Variants in FAM13A observed in about 807,000 individuals in gnomAD.
FAM13A encodes family with sequence similarity 13 member A, also known as protein FAM13A.
In FAM13A, 76 loss-of-function variants were observed where a neutral mutation model predicts 129.6. The observed-to-expected ratio is 0.59, with a 90% confidence interval of 0.49 to 0.71. The LOEUF (loss-of-function observed/expected upper bound fraction) is 0.71. Among genes scored for constraint, FAM13A ranks in the 30% least tolerant of loss-of-function variants. The pLI, the probability that FAM13A is intolerant of heterozygous loss-of-function variation, is 0.00. For synonymous variants in FAM13A, 443 were observed against 449.9 expected (o/e 0.98, Z 0.20); for missense variants, 1,108 against 1,249.3 (o/e 0.89, Z 1.70).
At chr4:88,731,230 C>G in intron 23 of FAM13A, 97 bp downstream of exon 23, 2 of 660,466 alleles carry the variant, frequency 3.0e-6, no homozygotes, top group Non-Finnish European at 5.1e-6. Flanking sequence ...AGAGTCCCCC[C>G]TTTGAAGGCA....
intron 6 of FAM13A, among the ~76,000 whole-genome samples, chr4:88,888,824 T>C (rs1744875814): frequency 6.7e-6 from 1 of 150,304 alleles, no homozygotes; most frequent in African/African-American, 2.5e-5. Context: ...CAGTCCCAGC[T>C]ACTCAGGAGG....
At chr4:88,907,090 T>C (rs909370511) in intron 5 of FAM13A, among the ~76,000 whole-genome samples, 2 of 152,254 alleles carry the variant, frequency 1.3e-5, no homozygotes, top group Non-Finnish European at 2.9e-5. Flanking sequence ...AGATTTATTA[T>C]TTATTCATAC....
At chr4:88,859,080 T>C (rs1361416495) in intron 6 of FAM13A, among the ~76,000 whole-genome samples, 2 of 151,666 alleles carry the variant, frequency 1.3e-5, no homozygotes, top group African/African-American at 4.8e-5. Context: ...TAAATAGTTC[T>C]TTTTTTTTCT....
At chr4:89,037,261 C>G (rs542186621) in intron 1 of FAM13A, among the ~76,000 whole-genome samples, 1 of 152,206 alleles carries the variant, frequency 6.6e-6, no homozygotes, top group Non-Finnish European at 1.5e-5. Context: ...CCTTGGGAGC[C>G]CACACCTTGC....
intron 4 of FAM13A, among the ~76,000 whole-genome samples, chr4:88,988,294 C>T (rs371291798): frequency 1.3e-5 from 2 of 151,968 alleles, no homozygotes; most frequent in South Asian, 4.2e-4. Context: ...GGCCTAACAA[C>T]CAAGTAGAAT....
intron 14 of FAM13A, among the ~76,000 whole-genome samples, chr4:88,755,863 G>A (rs142417119): frequency 0.013 from 1,946 of 152,320 alleles, 35 homozygotes; most frequent in African/African-American, 0.044. Flanking sequence ...TGCCTAGGCT[G>A]GTTTTGAACT....
chr4:88,784,707 T>C (rs1310795828), intron 10 of FAM13A, among the ~76,000 whole-genome samples: 6 of 152,210 alleles, frequency 3.9e-5, no homozygotes, highest in South Asian at 2.1e-4. Context: ...TTTTAGAAGA[T>C]TGAAAATCAT....
intron 1 of FAM13A, among the ~76,000 whole-genome samples, chr4:89,030,460 T>G (rs2149131672): frequency 6.6e-6 from 1 of 152,114 alleles, no homozygotes; most frequent in South Asian, 2.1e-4. Context: ...ATCCAAACAC[T>G]GAAAAGAGAG....
intron 6 of FAM13A, among the ~76,000 whole-genome samples, chr4:88,887,442 C>A (rs949740824): frequency 3.9e-5 from 6 of 152,006 alleles, no homozygotes; most frequent in African/African-American, 4.8e-5. Flanking sequence ...GGCTTTGAAG[C>A]CAAAGAGCTT....
intron 3 of FAM13A, among the ~76,000 whole-genome samples, chr4:89,007,709 A>G (rs1765237292): frequency 6.6e-6 from 1 of 152,258 alleles, no homozygotes; most frequent in Non-Finnish European, 1.5e-5. Context: ...ATACTAATGC[A>G]GAGAGCAAAT....
chr4:88,784,909 TTTA>T (rs1194498758), intron 10 of FAM13A, among the ~76,000 whole-genome samples: 5 of 152,184 alleles, frequency 3.3e-5, no homozygotes, highest in African/African-American at 7.2e-5. Flanking sequence ...TAATGAAGAT[TTTA>T]TTATTACATA....
intron 5 of FAM13A, among the ~76,000 whole-genome samples, chr4:88,926,528 A>G (rs1051335062): frequency 9.2e-5 from 14 of 152,208 alleles, no homozygotes; most frequent in African/African-American, 3.4e-4. Context: ...AGCAAAAGCA[A>G]TTTAGTCTGT....
intron 20 of FAM13A, among the ~76,000 whole-genome samples, chr4:88,738,430 G>C (rs888455491): frequency 6.6e-6 from 1 of 152,174 alleles, no homozygotes; most frequent in African/African-American, 2.4e-5. Context: ...TCCTGTCGCT[G>C]AAGGCAAGCT....
At chr4:88,835,240 A>G (rs1429121710) in intron 7 of FAM13A, among the ~76,000 whole-genome samples, 10 of 152,130 alleles carry the variant, frequency 6.6e-5, no homozygotes, top group Admixed American at 6.5e-4. Flanking sequence ...TCTTTCTCCT[A>G]GCCTGGAATA....
At chr4:88,976,287 C>T (rs1451802666) in intron 4 of FAM13A, among the ~76,000 whole-genome samples, 3 of 152,098 alleles carry the variant, frequency 2.0e-5, no homozygotes, top group African/African-American at 4.8e-5. Context: ...TTAATCACTG[C>T]ATTCTCACAG....
chr4:88,913,295 C>G (rs1233004326), intron 5 of FAM13A, among the ~76,000 whole-genome samples: 28 of 84,874 alleles, frequency 3.3e-4, no homozygotes, highest in Middle Eastern at 0.013. Context: ...GGAAGAAGAA[C>G]AGGAGGAAGA....
chr4:88,736,911 G>A (rs2149413904), intron 21 of FAM13A, among the ~76,000 whole-genome samples: 1 of 152,306 alleles, frequency 6.6e-6, no homozygotes, highest in Non-Finnish European at 1.5e-5. Context: ...AATGTGCTAT[G>A]AGAAAGTCAA....
intron 4 of FAM13A, among the ~76,000 whole-genome samples, chr4:88,977,822 A>G (rs927644050): frequency 7.2e-5 from 11 of 152,218 alleles, no homozygotes; most frequent in African/African-American, 2.4e-4. Flanking sequence ...TTCCTCACAC[A>G]GAGTATCTGG....
intron 11 of FAM13A, among the ~76,000 whole-genome samples, chr4:88,774,787 CAT>C (rs747634386): frequency 1.3e-4 from 20 of 152,056 alleles, no homozygotes; most frequent in East Asian, 3.9e-4. Context: ...AAATTTGACA[CAT>C]GATTGAAATG....
Sources: gnomAD v4.1 joint callset for allele counts (sites outside exome capture counted in the v4.1 genomes callset) on GRCh38, gnomAD v4.1.1 for gene constraint, MANE v1.5 for transcripts, NCBI Gene and HGNC (gene_info 2026-07-23, HGNC 2026-07-21) for gene names.